The following MNAT1 variants were observed in gnomAD, a reference collection of about 807,000 sequenced individuals.
MNAT1 encodes MNAT1 component of CDK activating kinase.
Under a neutral mutation model 42.0 loss-of-function variants are expected in MNAT1, and 43 were observed. The ratio of observed to expected loss-of-function variants is 1.02; its 90% CI spans 0.80 to 1.32. The LOEUF is 1.32. MNAT1 is among the 40% of genes most tolerant of loss of function. MNAT1 has a pLI of 0.00. For synonymous variants in MNAT1, 118 were observed against 120.0 expected (o/e 0.98, Z 0.11); for missense variants, 306 against 350.4 (o/e 0.87, Z 1.01).
rs537612954 is a variant in MNAT1 at position 60,887,759 on chromosome 14, A to C, written c.809+7924A>C. On this transcript the variant is annotated intron_variant, in intron 7 of 7. Transcript: ENST00000261245. ...AAATAGATGCAATAAAAAATGATAA[A>C]GGGGATATCACCACCAATCCCACAG... 4.3e-3 allele frequency among the ~76,000 whole-genome samples: 656 copies of C among 152,172 alleles called. 9 individuals are homozygous for C. The highest frequency in any genetic ancestry group is 0.015 in the African/African-American group (630 of 41,514).
chr14:60,856,788 C>G (rs1013241656), intron 6 of MNAT1, among the ~76,000 whole-genome samples: 8 of 151,612 alleles, frequency 5.3e-5, no homozygotes, highest in Non-Finnish European at 8.8e-5. Context: ...TCAAGCGTTT[C>G]CTCTGCCTCA....
At chr14:60,937,360 G>A (rs1230335780) in intron 7 of MNAT1, among the ~76,000 whole-genome samples, 2 of 152,164 alleles carry the variant, frequency 1.3e-5, no homozygotes, top group Admixed American at 6.5e-5. Flanking sequence ...ATGGTTTTAG[G>A]TCTAACATTT....
At chr14:60,737,499 C>A (rs999350912) in intron 1 of MNAT1, among the ~76,000 whole-genome samples, 7 of 151,874 alleles carry the variant, frequency 4.6e-5, no homozygotes, top group African/African-American at 1.5e-4. Context: ...TGATAGTAGT[C>A]CATTGTTCAA....
chr14:60,813,292 A>G (rs2032612658), intron 5 of MNAT1, among the ~76,000 whole-genome samples: 1 of 152,144 alleles, frequency 6.6e-6, no homozygotes, highest in African/African-American at 2.4e-5. Flanking sequence ...TGGTGCTTGG[A>G]GCAGCTGGCT....
chr14:60,890,942 T>C (rs2034830340), intron 7 of MNAT1, among the ~76,000 whole-genome samples: 2 of 152,222 alleles, frequency 1.3e-5, no homozygotes, highest in African/African-American at 4.8e-5. Context: ...TGACATTCAC[T>C]ATTAACCATC....
At chr14:60,946,220 G>A (rs746819570) in intron 7 of MNAT1, among the ~76,000 whole-genome samples, 1 of 152,038 alleles carries the variant, frequency 6.6e-6, no homozygotes, top group African/African-American at 2.4e-5. Flanking sequence ...AAACCACATA[G>A]TCGCTTCATC....
At chr14:60,774,265 C>T (rs1019273681) in intron 1 of MNAT1, among the ~76,000 whole-genome samples, 3 of 152,020 alleles carry the variant, frequency 2.0e-5, no homozygotes, top group African/African-American at 4.8e-5. Flanking sequence ...AGGAGGCAGC[C>T]ATGGGAAGAT....
At chr14:60,906,336 T>TTTGA (rs2035198922) in intron 7 of MNAT1, among the ~76,000 whole-genome samples, 9 of 152,230 alleles carry the variant, frequency 5.9e-5, no homozygotes, top group Admixed American at 5.2e-4. Context: ...TGCGAAGTCA[T>TTTGA]AGGAGAATTT....
At chr14:60,912,566 CT>C (rs200785793) in intron 7 of MNAT1, among the ~76,000 whole-genome samples, 1,610 of 152,274 alleles carry the variant, frequency 0.011, 21 homozygotes, top group Non-Finnish European at 0.012. Flanking sequence ...GATTTTATTT[CT>C]CCTTCACTTA....
At chr14:60,916,095 C>T (rs1266074998) in intron 7 of MNAT1, among the ~76,000 whole-genome samples, 4 of 152,166 alleles carry the variant, frequency 2.6e-5, no homozygotes, top group African/African-American at 9.7e-5. Flanking sequence ...CCTTTATCCC[C>T]TCATTTGTTA....
intron 1 of MNAT1, among the ~76,000 whole-genome samples, chr14:60,775,393 G>C (rs1326907480): frequency 6.6e-6 from 1 of 152,194 alleles, no homozygotes; most frequent in Non-Finnish European, 1.5e-5. Flanking sequence ...AAGAGAATGG[G>C]ACATAGCAGT....
chr14:60,872,203 G>A (rs1345291297), intron 6 of MNAT1, among the ~76,000 whole-genome samples: 1 of 152,082 alleles, frequency 6.6e-6, no homozygotes, highest in African/African-American at 2.4e-5. Context: ...AAGAGAGAAG[G>A]AAGTACCTCT....
At chr14:60,804,427 C>T (rs2032303357) in intron 3 of MNAT1, among the ~76,000 whole-genome samples, 1 of 152,052 alleles carries the variant, frequency 6.6e-6, no homozygotes, top group Admixed American at 6.5e-5. Flanking sequence ...TTATGATTTG[C>T]ATTTATTATT....
chr14:60,943,756 G>A (rs927290984), intron 7 of MNAT1, among the ~76,000 whole-genome samples: 1 of 152,068 alleles, frequency 6.6e-6, no homozygotes, highest in African/African-American at 2.4e-5. Flanking sequence ...TTTGAATGTA[G>A]CATTTTAAGT....
chr14:60,908,456 T>A (rs7161360), intron 7 of MNAT1, among the ~76,000 whole-genome samples: 17 of 152,290 alleles, frequency 1.1e-4, no homozygotes, highest in African/African-American at 4.1e-4. Flanking sequence ...TATCTTCTAA[T>A]GCTATCCCTC....
intron 6 of MNAT1, among the ~76,000 whole-genome samples, chr14:60,867,051 T>C (rs2034218108): frequency 6.6e-6 from 1 of 152,086 alleles, no homozygotes; most frequent in Non-Finnish European, 1.5e-5. Flanking sequence ...TAAACAGATT[T>C]TGATGAGTTT....
intron 7 of MNAT1, among the ~76,000 whole-genome samples, chr14:60,936,522 A>G (rs1322924418): frequency 2.6e-5 from 4 of 151,908 alleles, no homozygotes; most frequent in Admixed American, 1.3e-4. Flanking sequence ...GATGGTTTCC[A>G]GCTTCATCCA....
At chr14:60,941,182 T>C (rs1044137712) in intron 7 of MNAT1, among the ~76,000 whole-genome samples, 1 of 152,226 alleles carries the variant, frequency 6.6e-6, no homozygotes, top group Admixed American at 6.5e-5. Flanking sequence ...AAAATTCATT[T>C]AATTGTATTA....
At chr14:60,906,092 A>G (rs1395046588) in intron 7 of MNAT1, among the ~76,000 whole-genome samples, 1 of 152,188 alleles carries the variant, frequency 6.6e-6, no homozygotes, top group Non-Finnish European at 1.5e-5. Flanking sequence ...CAAAGAAATG[A>G]GTCATTTGAT....
Sources: allele counts gnomAD v4.1 joint callset (sites outside exome capture counted in the v4.1 genomes callset), GRCh38; gene constraint gnomAD v4.1.1; transcripts MANE v1.5; gene names NCBI Gene and HGNC (gene_info 2026-07-23, HGNC 2026-07-21).